The following ZNF438 variants were observed in gnomAD, a reference collection of about 807,000 sequenced individuals.
The protein encoded by ZNF438 is zinc finger protein 438.
In ZNF438, 25 loss-of-function variants were observed where a neutral mutation model predicts 38.0. That is an observed-to-expected ratio of 0.66 (90% CI 0.48 to 0.92). The LOEUF (loss-of-function observed/expected upper bound fraction) is 0.92. Among genes scored for constraint, ZNF438 ranks in the 40% least tolerant of loss-of-function variants. The probability of loss-of-function intolerance (pLI) is 0.00; values close to 1 mark genes in which losing one functional copy is unlikely to be tolerated. For synonymous variants in ZNF438, 372 were observed against 364.1 expected, an observed-to-expected ratio of 1.02 and a Z score of -0.25; for missense variants, 1,007 against 999.6, an observed-to-expected ratio of 1.01 and a Z score of -0.10.
intron 3 of ZNF438, among the ~76,000 whole-genome samples, chr10:30,879,199 T>A (rs1236256004): frequency 6.6e-6 from 1 of 152,192 alleles, no homozygotes; most frequent in Admixed American, 6.5e-5. Flanking sequence ...TATTGCCTGT[T>A]CCCATTAGCT....
At chr10:31,003,136 G>T (rs60747266) in intron 1 of ZNF438, among the ~76,000 whole-genome samples, 9,154 of 152,178 alleles carry the variant, frequency 0.06, 305 homozygotes, top group Non-Finnish European at 0.072. Flanking sequence ...GCACACTATT[G>T]CAAGTCTTGA....
At chr10:30,908,348 A>C (rs369688910) in intron 3 of ZNF438, among the ~76,000 whole-genome samples, 3 of 152,198 alleles carry the variant, frequency 2.0e-5, no homozygotes, top group African/African-American at 7.2e-5. Context: ...CTGTTCTTTA[A>C]GTGGAGTATT....
At chr10:30,972,792 A>G (rs1204378247) in intron 1 of ZNF438, among the ~76,000 whole-genome samples, 8 of 152,234 alleles carry the variant, frequency 5.3e-5, no homozygotes, top group Admixed American at 4.6e-4. Flanking sequence ...ATGGGATTCA[A>G]TGATTATGGG....
intron 1 of ZNF438, among the ~76,000 whole-genome samples, chr10:30,948,821 ACT>A (rs1274744100): frequency 2.7e-5 from 4 of 150,442 alleles, no homozygotes; most frequent in African/African-American, 7.3e-5. Flanking sequence ...GTTGGAAAAC[ACT>A]CTGCAGGATA....
chr10:30,860,188 G>A (rs1462909464), intron 4 of ZNF438, among the ~76,000 whole-genome samples: 1 of 152,318 alleles, frequency 6.6e-6, no homozygotes, highest in East Asian at 1.9e-4. Flanking sequence ...TCCAGAGAGG[G>A]TCCTGCCTCA....
At chr10:30,856,119 A>C (rs1214701527) in intron 4 of ZNF438, among the ~76,000 whole-genome samples, 1 of 152,232 alleles carries the variant, frequency 6.6e-6, no homozygotes, top group Non-Finnish European at 1.5e-5. Context: ...GTACACACAG[A>C]GAATGGCTCA....
chr10:30,972,873 A>G (rs2050898370), intron 1 of ZNF438, among the ~76,000 whole-genome samples: 1 of 152,194 alleles, frequency 6.6e-6, no homozygotes, highest in Non-Finnish European at 1.5e-5. Context: ...ATAGGGAACA[A>G]TGTTTGATCA....
intron 2 of ZNF438, among the ~76,000 whole-genome samples, chr10:30,940,523 G>A (rs2135494894): frequency 6.6e-6 from 1 of 152,292 alleles, no homozygotes; most frequent in South Asian, 2.1e-4. Flanking sequence ...ACAGATGCAT[G>A]AAGAACAATG....
intron 4 of ZNF438, among the ~76,000 whole-genome samples, chr10:30,860,803 G>C (rs2035448285): frequency 6.6e-6 from 1 of 152,302 alleles, no homozygotes; most frequent in South Asian, 2.1e-4. Context: ...TACCTAGTAA[G>C]TAGTGAGGCC....
Position 30,866,368 on chromosome 10 carries a change from G to A in ZNF438, c.37+10630C>T, listed in dbSNP as rs554815678. Among the ~76,000 whole-genome samples, 4 of 152,272 alleles carry A rather than the reference G, an allele frequency of 2.6e-5. No homozygotes were observed. In the South Asian group the frequency reaches 8.3e-4, roughly 32 times the overall value. ...CATATTAAGACTTGGGTATCTGGCA[G>A]ACATTTTCTCAAAAGTGAATGAATG... On this transcript the variant is annotated intron_variant, in intron 4 of 5. Coordinates refer to ENST00000413025, the Ensembl canonical transcript of ZNF438.
intron 1 of ZNF438, among the ~76,000 whole-genome samples, chr10:30,973,016 A>AT (rs893448507): frequency 2.6e-5 from 4 of 151,788 alleles, no homozygotes; most frequent in Non-Finnish European, 2.9e-5. Flanking sequence ...TGTATCAACA[A>AT]TTTTTTTTTC....
chr10:30,845,507 G>T (rs749779291), exon 6 of ZNF438: 14 of 1,613,916 alleles, frequency 8.7e-6, no homozygotes, highest in Non-Finnish European at 1.2e-5. Flanking sequence ...GACCACATTT[G>T]ATTTGTAATT....
exon 6 of ZNF438, chr10:30,844,910 A>G (rs199968060): frequency 1.2e-5 from 19 of 1,572,966 alleles, no homozygotes; most frequent in Non-Finnish European, 1.4e-5. Flanking sequence ...CGAAGCTCTG[A>G]AGGAAGGTGG....
At position 30,931,134 on chromosome 10, in the gene ZNF438, C is replaced by T. The variant is rs150662041; in HGVS notation, c.-115+10441G>A. Among the ~76,000 whole-genome samples, 780 of 152,266 alleles carry T rather than the reference C, an allele frequency of 5.1e-3. 10 individuals carry two copies. The highest frequency in any genetic ancestry group is 0.018 in the African/African-American group (730 of 41,548). ...GAGTCAATCCACATCTTCTCTGAGG[C>T]AGGTAGGTAGACATTTGGTGTGACA... On this transcript the variant is annotated intron_variant, in intron 2 of 5. Coordinates refer to ENST00000413025, the Ensembl canonical transcript of ZNF438.
intron 1 of ZNF438, among the ~76,000 whole-genome samples, chr10:30,948,915 C>A (rs932768158): frequency 3.9e-5 from 6 of 151,978 alleles, no homozygotes; most frequent in Non-Finnish European, 8.8e-5. Context: ...CAAAGATACT[C>A]CTCAAGAAGA....
At chr10:30,861,137 C>T (rs546021955) in intron 4 of ZNF438, among the ~76,000 whole-genome samples, 8 of 152,234 alleles carry the variant, frequency 5.3e-5, no homozygotes, top group East Asian at 1.9e-4. Flanking sequence ...CCTTTAGACA[C>T]GCAAATCCAT....
intron 3 of ZNF438, among the ~76,000 whole-genome samples, chr10:30,881,281 A>G (rs992801800): frequency 6.6e-6 from 1 of 152,210 alleles, no homozygotes; most frequent in African/African-American, 2.4e-5. Flanking sequence ...GAGTTTAGCA[A>G]GGTTACACAA....
intron 4 of ZNF438, among the ~76,000 whole-genome samples, chr10:30,858,709 A>C (rs1484560289): frequency 6.6e-6 from 1 of 152,206 alleles, no homozygotes; most frequent in Non-Finnish European, 1.5e-5. Context: ...TGCAAAGGAA[A>C]CAAGCACATT....
intron 3 of ZNF438, among the ~76,000 whole-genome samples, chr10:30,901,236 A>C (rs963931089): frequency 2.6e-5 from 4 of 152,160 alleles, no homozygotes; most frequent in Non-Finnish European, 4.4e-5. Context: ...TGCAAGTGGA[A>C]CTCTTCAGGG....
Sources: allele counts gnomAD v4.1 joint callset (sites outside exome capture counted in the v4.1 genomes callset), GRCh38; gene constraint gnomAD v4.1.1; transcripts MANE v1.5; gene names NCBI Gene and HGNC (gene_info 2026-07-23, HGNC 2026-07-21).